Variants in ITGB3 observed in about 807,000 individuals in gnomAD.
ITGB3 encodes the protein integrin beta-3.
In ITGB3, 48 loss-of-function variants were observed where a neutral mutation model predicts 85.8. That is an observed-to-expected ratio of 0.56 (90% CI 0.44 to 0.71). The LOEUF (loss-of-function observed/expected upper bound fraction) is 0.71, where lower values mean the gene tolerates loss of function less well. ITGB3 is among the 30% of genes least tolerant of loss of function. ITGB3 has a pLI of 0.00. For synonymous variants in ITGB3, 363 were observed against 395.6 expected, an observed-to-expected ratio of 0.92 and a Z score of 0.98; for missense variants, 861 against 1,019.1, an observed-to-expected ratio of 0.84 and a Z score of 2.11.
chr17:47,283,752 TTACTG>T (rs1215139584), intron 3 of ITGB3, among the ~76,000 whole-genome samples: 1 of 152,184 alleles, frequency 6.6e-6, no homozygotes, highest in Non-Finnish European at 1.5e-5. Flanking sequence ...AGGTGAATCT[TTACTG>T]TATCATATAT....
At chr17:47,255,348 T>C (rs373933275) in intron 1 of ITGB3, among the ~76,000 whole-genome samples, 1 of 152,088 alleles carries the variant, frequency 6.6e-6, no homozygotes, top group African/African-American at 2.4e-5. Flanking sequence ...GAAAATACTT[T>C]AGTGATTCCC....
chr17:47,304,726 G>C (rs1437992217), intron 13 of ITGB3, among the ~76,000 whole-genome samples: 1 of 152,112 alleles, frequency 6.6e-6, no homozygotes, highest in Non-Finnish European at 1.5e-5. Flanking sequence ...TCCTGCCTCA[G>C]CCTCCTGAGT....
intron 2 of ITGB3, among the ~76,000 whole-genome samples, chr17:47,277,132 T>G (rs1279454153): frequency 6.6e-6 from 1 of 151,908 alleles, no homozygotes; most frequent in Non-Finnish European, 1.5e-5. Context: ...CCGACGCGGG[T>G]TGGGTTGCTG....
Position 47,310,842 on chromosome 17 carries a change from C to T in ITGB3, c.*638C>T, listed in dbSNP as rs968585498. 1.8e-5 allele frequency: 3 copies of T among 163,776 alleles called. No homozygotes were observed. Among genetic ancestry groups the T allele is most frequent in the Non-Finnish European group, 2.7e-5 (2 of 73,394 alleles). The allele number at this position is 163,776 out of a possible 1,614,324, so 10.1% of individuals were successfully genotyped here. ...CCCCTCAACCCAGCTATGGTTCTCTCGCAAGGGAAGTCCTTGCAAGCTAAT... is the reference window on the plus strand; with the variant it reads ...CCCCTCAACCCAGCTATGGTTCTCTTGCAAGGGAAGTCCTTGCAAGCTAAT... On this transcript the variant is annotated 3_prime_UTR_variant, in exon 15 of 15. Coordinates refer to ENST00000559488, the MANE Select transcript of ITGB3 (RefSeq NM_000212.3).
intron 3 of ITGB3, 21 bp downstream of exon 3, chr17:47,283,570 G>A (rs761280693): frequency 1.5e-5 from 24 of 1,612,628 alleles, no homozygotes; most frequent in Middle Eastern, 1.7e-4. Context: ...GACTCTTTGC[G>A]GGGAGAGACC....
Position 47,299,544 on chromosome 17 carries a change from C to T in ITGB3, c.1913+14C>T. ...CACCTTTAAGAAGTGAGTGTGGAGT[C>T]TGGAGAGAGCCGGGAGGCTGGGAGG... On this transcript the variant is annotated intron_variant, in intron 11 of 14. Transcript: ENST00000559488. The surrounding 1 kb of genome is among the most constrained non-coding windows in gnomAD (Gnocchi z 5.1). 6.2e-7 allele frequency: 1 copy of T among 1,611,316 alleles called. No homozygotes were observed. Among genetic ancestry groups the T allele is most frequent in the Non-Finnish European group, 8.5e-7 (1 of 1,177,602 alleles).
In ITGB3 at chr17:47,292,609, C is replaced by A. The variant is rs1333783514; in HGVS notation, c.1690+41C>A. On this transcript the variant is annotated intron_variant, in intron 10 of 14. Transcript: ENST00000559488. ...GGGCCCCCTGTCCTGGAACCCACAC[C>A]CCCTCATATACCTGCAACCACTGGA... The A allele has an allele frequency of 1.9e-6, 3 of 1,590,306 alleles. No individual in the cohort carries two copies. In the East Asian group the frequency reaches 6.7e-5, roughly 35 times the overall value.
intron 1 of ITGB3, among the ~76,000 whole-genome samples, chr17:47,259,687 G>A (rs181025262): frequency 1.3e-5 from 2 of 152,252 alleles, no homozygotes; most frequent in African/African-American, 4.8e-5. Flanking sequence ...ATCACCTGAG[G>A]TCAGGAGTTC....
At chr17:47,307,254 C>T (rs527660345) in intron 13 of ITGB3, among the ~76,000 whole-genome samples, 1 of 152,282 alleles carries the variant, frequency 6.6e-6, no homozygotes, top group South Asian at 2.1e-4. Flanking sequence ...TGGCTGGGTT[C>T]TGTCTAGGGG....
intron 2 of ITGB3, among the ~76,000 whole-genome samples, chr17:47,282,185 G>A (rs2065086209): frequency 1.3e-5 from 2 of 152,050 alleles, no homozygotes; most frequent in African/African-American, 4.8e-5. Context: ...CTGACCTCAG[G>A]TGATCTGCCC....
At chr17:47,308,130 T>C (rs1203292300) in intron 14 of ITGB3, among the ~76,000 whole-genome samples, 8 of 136,616 alleles carry the variant, frequency 5.9e-5, no homozygotes, top group Non-Finnish European at 9.5e-5. Flanking sequence ...TGCACCCTGC[T>C]CTGGGTGACA....
intron 1 of ITGB3, among the ~76,000 whole-genome samples, chr17:47,261,936 A>C (rs942392181): frequency 4.6e-5 from 7 of 152,364 alleles, no homozygotes; most frequent in Admixed American, 4.6e-4. Flanking sequence ...ATATGGATAT[A>C]TCAGAATTTA....
Position 47,284,496 on chromosome 17 carries a change from G to A in ITGB3, c.415G>A (p.Asp139Asn). Residue 139 changes from aspartate (D) to asparagine (N), a missense_variant, in exon 4 of 15, where the codon GAC becomes AAC. Asp to Asn is a conservative substitution (Grantham distance 23, BLOSUM62 1). Coordinates refer to ENST00000559488, the MANE Select transcript of ITGB3 (RefSeq NM_000212.3). ...QVRQVEDYPV[D>N]IYYLMDLSYS... The stretch of plus-strand genomic sequence containing the variant: ...GCGGCAGGTGGAGGATTACCCTGTG[G>A]ACATCTACTACTTGATGGACCTGTC... 1 of 1,614,064 alleles carries A rather than the reference G, an allele frequency of 6.2e-7. No homozygotes were observed. The highest frequency in any genetic ancestry group is 8.5e-7 in the Non-Finnish European group (1 of 1,179,994).
At chr17:47,290,413 G>A (rs1391280806) in intron 8 of ITGB3, 139 bp downstream of exon 8, 9 of 773,394 alleles carry the variant, frequency 1.2e-5, no homozygotes, top group Non-Finnish European at 2.1e-5. Context: ...CAGAGCCCAG[G>A]CAATGGCCCG....
chr17:47,299,616 T>G lies in ITGB3; in HGVS notation c.1913+86T>G. On this transcript the variant is annotated intron_variant, in intron 11 of 14. Transcript: ENST00000559488. The surrounding 1 kb of genome is among the most constrained non-coding windows in gnomAD (Gnocchi z 5.1). The stretch of plus-strand genomic sequence containing the variant: ...GAATCCCCAGCTCTCCAGGTGTGTT[T>G]CTTGCTCACCAGAGCCTTAGGGAGA... 1 of 1,263,460 alleles carries G rather than the reference T, an allele frequency of 7.9e-7. No individual in the cohort carries two copies. Among genetic ancestry groups the G allele is most frequent in the Non-Finnish European group, 1.1e-6 (1 of 882,906 alleles). 78.3% of individuals were successfully genotyped at this position (1,263,460 alleles called of 1,614,324 possible).
At chr17:47,266,268 C>T (rs2065024734) in intron 1 of ITGB3, among the ~76,000 whole-genome samples, 1 of 152,184 alleles carries the variant, frequency 6.6e-6, no homozygotes, top group Admixed American at 6.5e-5. Flanking sequence ...GGAACATCCT[C>T]CCTTCTCGAT....
At chr17:47,304,246 C>G (rs189954406) in intron 13 of ITGB3, among the ~76,000 whole-genome samples, 5 of 152,370 alleles carry the variant, frequency 3.3e-5, no homozygotes, top group Admixed American at 6.5e-5. Context: ...CCCTGCTCAT[C>G]TCCCAGCTCC....
At chr17:47,298,763 C>A (rs939189154) in intron 10 of ITGB3, among the ~76,000 whole-genome samples, 2 of 152,188 alleles carry the variant, frequency 1.3e-5, no homozygotes, top group Admixed American at 6.5e-5. Context: ...TGGTAGTAGG[C>A]CTCTCAGGTC....
rs573659754 is a variant in ITGB3 at position 47,288,618 on chromosome 17, T to C, written c.940-1063T>C. Among the ~76,000 whole-genome samples the C allele has an allele frequency of 5.3e-5, 8 of 152,228 alleles. No homozygotes were observed. The South Asian group carries it at 1.7e-3, about 32-fold the overall frequency. ...GCTCCCTGCAAGGTCTAGGATCCCA[T>C]GGACATGTTCACGATTCACCACCGC... is the stretch of plus-strand genomic sequence containing the variant. On this transcript the variant is annotated intron_variant, in intron 6 of 14. Transcript: ENST00000559488.
Sources: gnomAD v4.1 joint callset for allele counts (sites outside exome capture counted in the v4.1 genomes callset) on GRCh38, gnomAD v4.1.1 for gene constraint, Gnocchi (gnomAD v3.1) non-coding constraint, MANE v1.5 for transcripts, NCBI Gene and HGNC (gene_info 2026-07-23, HGNC 2026-07-21) for gene names.